The following LAMA2 variants were observed in gnomAD, a reference collection of about 807,000 sequenced individuals.
LAMA2 encodes the protein laminin subunit alpha 2.
In LAMA2, 269 loss-of-function variants were observed where a neutral mutation model predicts 364.8. The ratio of observed to expected loss-of-function variants is 0.74; its 90% confidence interval spans 0.67 to 0.82. The LOEUF (loss-of-function observed/expected upper bound fraction) is 0.82. LAMA2 is among the 40% of genes least tolerant of loss of function. The pLI, the probability that LAMA2 is intolerant of heterozygous loss-of-function variation, is 0.00. For missense variants in LAMA2, 3,807 were observed against 3,873.2 expected, an observed-to-expected ratio of 0.98 and a Z score of 0.45; for synonymous variants, 1,379 against 1,370.6, an observed-to-expected ratio of 1.01 and a Z score of -0.14.
At chr6:129,238,311 A>G (rs1785143792) in intron 12 of LAMA2, among the ~76,000 whole-genome samples, 1 of 152,200 alleles carries the variant, frequency 6.6e-6, no homozygotes, top group African/African-American at 2.4e-5. Context: ...AATAAATTCT[A>G]TCTGCCTGTT....
chr6:129,397,731 T>G (rs113941946), intron 37 of LAMA2, among the ~76,000 whole-genome samples: 1 of 151,012 alleles, frequency 6.6e-6, no homozygotes, highest in Non-Finnish European at 1.5e-5. Context: ...CTGGCTAACA[T>G]GGTGAAACCC....
intron 35 of LAMA2, 151 bp downstream of exon 35, chr6:129,383,384 G>A: frequency 1.4e-6 from 1 of 717,608 alleles, no homozygotes; most frequent in South Asian, 1.6e-5. Flanking sequence ...GATATTCAAG[G>A]GTATTATCTG....
At chr6:129,162,898 G>A (rs997580420) in intron 8 of LAMA2, among the ~76,000 whole-genome samples, 3 of 151,700 alleles carry the variant, frequency 2.0e-5, no homozygotes, top group Non-Finnish European at 4.4e-5. Context: ...TAGGAGGGGG[G>A]GGAAGAAGAG....
chr6:129,504,670 C>T (rs1785915261), intron 60 of LAMA2, among the ~76,000 whole-genome samples: 1 of 152,198 alleles, frequency 6.6e-6, no homozygotes, highest in Non-Finnish European at 1.5e-5. Flanking sequence ...ATCTTACTCC[C>T]CCACTTTGTA....
intron 1 of LAMA2, among the ~76,000 whole-genome samples, chr6:128,961,049 A>G (rs1781458893): frequency 6.6e-6 from 1 of 151,690 alleles, no homozygotes; most frequent in Non-Finnish European, 1.5e-5. Flanking sequence ...GTATCATTTC[A>G]TTGGAAGACT....
intron 35 of LAMA2, among the ~76,000 whole-genome samples, chr6:129,384,725 T>C (rs1778879690): frequency 6.6e-6 from 1 of 151,896 alleles, no homozygotes; most frequent in South Asian, 2.1e-4. Flanking sequence ...CCACCCCAAA[T>C]CCCACGTCTA....
intron 4 of LAMA2, among the ~76,000 whole-genome samples, chr6:129,105,759 A>G (rs1775785273): frequency 6.6e-6 from 1 of 152,210 alleles, no homozygotes; most frequent in African/African-American, 2.4e-5. Context: ...TTGATGGTCA[A>G]AGGGGTATCT....
At chr6:129,027,534 T>C (rs1047847036) in intron 1 of LAMA2, among the ~76,000 whole-genome samples, 1 of 152,020 alleles carries the variant, frequency 6.6e-6, no homozygotes, top group Non-Finnish European at 1.5e-5. Flanking sequence ...TTATTTCTAA[T>C]GTTATGATTA....
At chr6:129,262,792 C>T (rs1471048590) in intron 15 of LAMA2, among the ~76,000 whole-genome samples, 1 of 152,056 alleles carries the variant, frequency 6.6e-6, no homozygotes, top group Non-Finnish European at 1.5e-5. Flanking sequence ...CACTAATATC[C>T]TGGGATCCCT....
chr6:129,435,250 A>T (rs1012424625), intron 41 of LAMA2, among the ~76,000 whole-genome samples: 4 of 152,174 alleles, frequency 2.6e-5, no homozygotes, highest in Non-Finnish European at 5.9e-5. Context: ...CCAATCAAGA[A>T]GCTAAGAAAT....
In LAMA2 at chr6:128,964,058, C is replaced by A. The variant is rs1035540607; in HGVS notation, c.112+80701C>A. On this transcript the variant is annotated intron_variant, in intron 1 of 64. Coordinates refer to ENST00000421865, the MANE Select transcript of LAMA2 (RefSeq NM_000426.4). The stretch of plus-strand genomic sequence containing the variant: ...GGCATTCAATGCACTTTGAAAAAAA[C>A]ACAGTCTTTTTCTTTGAAGGTAAGT... 5.9e-5 allele frequency among the ~76,000 whole-genome samples: 9 copies of A among 152,122 alleles called. No individual in the cohort carries two copies. In the East Asian group the frequency reaches 1.5e-3, roughly 26 times the overall value.
At chr6:129,088,868 G>C (rs1324364336) in intron 3 of LAMA2, among the ~76,000 whole-genome samples, 1 of 151,792 alleles carries the variant, frequency 6.6e-6, no homozygotes, top group Non-Finnish European at 1.5e-5. Context: ...CATCCCAGAC[G>C]ATGGGCGGCC....
intron 60 of LAMA2, among the ~76,000 whole-genome samples, chr6:129,503,674 A>G (rs1435817589): frequency 6.6e-6 from 1 of 152,226 alleles, no homozygotes; most frequent in East Asian, 1.9e-4. Context: ...TAGCATTTTT[A>G]TGGTGGCTAA....
intron 1 of LAMA2, among the ~76,000 whole-genome samples, chr6:128,995,224 G>A (rs574562902): frequency 2.0e-5 from 3 of 152,192 alleles, no homozygotes; most frequent in East Asian, 3.9e-4. Flanking sequence ...TAGAATCAGG[G>A]AGTACATGTG....
intron 4 of LAMA2, among the ~76,000 whole-genome samples, chr6:129,105,465 A>G (rs954236846): frequency 2.6e-5 from 4 of 152,144 alleles, no homozygotes; most frequent in African/African-American, 7.2e-5. Context: ...TTAATTCATT[A>G]TATTTGTCAG....
chr6:129,293,525 C>T (rs552671102), intron 20 of LAMA2, among the ~76,000 whole-genome samples: 10 of 152,190 alleles, frequency 6.6e-5, no homozygotes, highest in Non-Finnish European at 1.0e-4. Flanking sequence ...ATCAATTGTG[C>T]TTATGTGTAC....
rs1786366052 is a variant in LAMA2 at position 129,252,862 on chromosome 6, T to A, written c.2096+567T>A. ...TGAATAGAAATTCAATAAGCTTTAT[T>A]GCTTATTTTATGTGTGACCTTTGGC... is the stretch of plus-strand genomic sequence containing the variant. On this transcript the variant is annotated intron_variant, in intron 14 of 64. Transcript: ENST00000421865. Among the ~76,000 whole-genome samples, 3 of 152,206 alleles carry A rather than the reference T, an allele frequency of 2.0e-5. No homozygotes were observed. In the South Asian group the frequency reaches 6.2e-4, roughly 31 times the overall value.
At chr6:129,004,406 T>TAAA (rs61244248) in intron 1 of LAMA2, among the ~76,000 whole-genome samples, 361 of 53,080 alleles carry the variant, frequency 6.8e-3, no homozygotes, top group African/African-American at 0.019. Context: ...AGTATAATAA[T>TAAA]AAAAAAAAAA....
At chr6:128,937,157 A>G (rs1023905449) in intron 1 of LAMA2, among the ~76,000 whole-genome samples, 2 of 152,228 alleles carry the variant, frequency 1.3e-5, no homozygotes, top group African/African-American at 4.8e-5. Context: ...TGAGAATACT[A>G]TATCACATTT....
Sources: gnomAD v4.1 joint callset for allele counts (sites outside exome capture counted in the v4.1 genomes callset) on GRCh38, gnomAD v4.1.1 for gene constraint, MANE v1.5 for transcripts, NCBI Gene and HGNC (gene_info 2026-07-23, HGNC 2026-07-21) for gene names.